The following TM9SF2 variants were observed in gnomAD, a reference collection of about 807,000 sequenced individuals.
TM9SF2 encodes the protein 76 kDa membrane protein.
TM9SF2 carries 13 observed loss-of-function variants against 84.9 expected under a neutral mutation model. The ratio of observed to expected loss-of-function variants is 0.15; its 90% confidence interval spans 0.10 to 0.24. TM9SF2 has a LOEUF of 0.24. TM9SF2 is among the 10% of genes least tolerant of loss of function. The pLI is 1.00. For missense variants in TM9SF2, 562 were observed against 818.5 expected (o/e 0.69, Z 3.82); for synonymous variants, 273 against 285.8 (o/e 0.96, Z 0.45).
intron 3 of TM9SF2, among the ~76,000 whole-genome samples, chr13:99,521,700 CTT>C (rs903825928): frequency 2.0e-5 from 3 of 151,522 alleles, no homozygotes; most frequent in African/African-American, 7.3e-5. Context: ...TTCAAATATT[CTT>C]TTTTTTTCTT....
chr13:99,501,714 C>T lies in TM9SF2; in HGVS notation c.108C>T (p.Phe36=). The change falls in exon 1 of 17, where the codon TTC becomes TTT. Residue 36 remains phenylalanine, a synonymous_variant. Coordinates refer to ENST00000376387, the MANE Select transcript of TM9SF2 (RefSeq NM_004800.3). ...AVPGPRRSGA[F]YLPGLAPVNF... is the part of the protein sequence containing the mutation. ...CTGGCCCGCGCCGGAGCGGCGCTTT[C>T]TACCTGCCCGGCCTGGCGCCCGTCA... 1 of 1,612,152 alleles carries T rather than the reference C, an allele frequency of 6.2e-7. No homozygotes were observed. Among genetic ancestry groups the T allele is most frequent in the Non-Finnish European group, 8.5e-7 (1 of 1,179,670 alleles).
At chr13:99,509,334 TC>T (rs751590526) in intron 1 of TM9SF2, among the ~76,000 whole-genome samples, 13 of 152,324 alleles carry the variant, frequency 8.5e-5, no homozygotes, top group South Asian at 2.1e-4. Context: ...TGGCGGGGAC[TC>T]TGAATGGGGC....
Position 99,528,385 on chromosome 13 carries a change from T to C in TM9SF2, c.334-1082T>C, listed in dbSNP as rs79106560. 5.2e-3 allele frequency among the ~76,000 whole-genome samples: 797 copies of C among 152,326 alleles called. 7 individuals carry two copies. The highest frequency in any genetic ancestry group is 7.5e-3 in the Non-Finnish European group (510 of 68,026). On this transcript the variant is annotated intron_variant, in intron 3 of 16. Transcript: ENST00000376387. ...TTGGAGGATTACATGAGGCTTGATATATACAAAGTACATGGAACATAGGAA... is the reference window on the plus strand; with the variant it reads ...TTGGAGGATTACATGAGGCTTGATACATACAAAGTACATGGAACATAGGAA...
chr13:99,557,304 T>C (rs974228277), intron 15 of TM9SF2, among the ~76,000 whole-genome samples: 7 of 152,358 alleles, frequency 4.6e-5, no homozygotes, highest in African/African-American at 1.7e-4. Context: ...TTTGTACTTG[T>C]GTTTGTTAGC....
chr13:99,504,585 G>C (rs1284573697), intron 1 of TM9SF2, among the ~76,000 whole-genome samples: 1 of 152,198 alleles, frequency 6.6e-6, no homozygotes, highest in Non-Finnish European at 1.5e-5. Context: ...TGTAAATTGA[G>C]AGAGAATCAG....
chr13:99,520,087 T>G lies in TM9SF2; in HGVS notation c.291T>G (p.Gly97=). ...SEGKRPSENL[G]QVLFGERIEP... ...GAAAGCGCCCATCTGAAAATCTTGG[T>G]CAGGTACTATTCGGGGAAAGAATTG... The change falls in exon 3 of 17, where the codon GGT becomes GGG. Residue 97 remains glycine (G), a synonymous_variant. Coordinates refer to ENST00000376387, the MANE Select transcript of TM9SF2 (RefSeq NM_004800.3). 6.2e-7 allele frequency: 1 copy of G among 1,614,050 alleles called. No individual in the cohort carries two copies.
At chr13:99,549,302 C>A in intron 12 of TM9SF2, 80 bp downstream of exon 12, 3 of 1,087,544 alleles carry the variant, frequency 2.8e-6, no homozygotes, top group Non-Finnish European at 4.2e-6. Flanking sequence ...AGTCTTTAAT[C>A]CTCCGTGTCT....
intron 6 of TM9SF2, among the ~76,000 whole-genome samples, chr13:99,538,419 C>G (rs1057230923): frequency 6.6e-6 from 1 of 151,614 alleles, no homozygotes; most frequent in Non-Finnish European, 1.5e-5. Flanking sequence ...TTGAATTAGC[C>G]TTTTTCTCAT....
intron 3 of TM9SF2, among the ~76,000 whole-genome samples, chr13:99,528,384 A>G (rs1377453269): frequency 1.3e-5 from 2 of 152,234 alleles, no homozygotes; most frequent in African/African-American, 2.4e-5. Flanking sequence ...GAGGCTTGAT[A>G]TATACAAAGT....
chr13:99,518,145 T>C, intron 2 of TM9SF2, among the ~76,000 whole-genome samples: 1 of 152,260 alleles, frequency 6.6e-6, no homozygotes, highest in East Asian at 1.9e-4. Flanking sequence ...AGAGTCTCAC[T>C]GTATTGCCCA....
rs748123687 is a variant in TM9SF2, at chr13:99,501,626, T to C, written c.20T>C (p.Val7Ala). The change falls in exon 1 of 17, where the codon GTG (valine) becomes GCG (alanine). Residue 7 changes from valine (V) to alanine (A), a missense_variant. Around this residue, in one of 4 missense-constraint regions of TM9SF2, gnomAD observed 267 missense variants for 316.7 expected, o/e 0.84. Transcript: ENST00000376387. ...ACTATCATGAGCGCGAGGCTGCCGG[T>C]GTTGTCTCCACCTCGGTGGCCGCGG... is the stretch of plus-strand genomic sequence containing the variant. MSARLP[V>A]LSPPRWPRLL... 2 of 1,612,192 alleles carry C rather than the reference T, an allele frequency of 1.2e-6. No homozygotes were observed. Among genetic ancestry groups the C allele is most frequent in the Non-Finnish European group, 1.7e-6 (2 of 1,179,250 alleles).
Position 99,501,601 on chromosome 13 carries a change from A to G in TM9SF2, c.-6A>G. 3 of 1,611,244 alleles carry G rather than the reference A, an allele frequency of 1.9e-6. No individual in the cohort carries two copies. Among genetic ancestry groups the G allele is most frequent in the South Asian group, 1.1e-5 (1 of 90,972 alleles). ...GTTTGATTGCCCTTTCCCCGAAACA[A>G]CTATCATGAGCGCGAGGCTGCCGGT... On this transcript the variant is annotated 5_prime_UTR_variant, in exon 1 of 17. Transcript: ENST00000376387.
intron 16 of TM9SF2, among the ~76,000 whole-genome samples, chr13:99,561,422 T>G (rs1319553480): frequency 6.6e-6 from 1 of 152,238 alleles, no homozygotes; most frequent in Non-Finnish European, 1.5e-5. Context: ...AAATATTGTT[T>G]GTCATCTTGA....
At chr13:99,515,987 C>T (rs1409755346) in intron 1 of TM9SF2, among the ~76,000 whole-genome samples, 1 of 152,188 alleles carries the variant, frequency 6.6e-6, no homozygotes, top group Non-Finnish European at 1.5e-5. Context: ...CCGCCTTGGC[C>T]TCCCAAAGTG....
intron 8 of TM9SF2, among the ~76,000 whole-genome samples, chr13:99,541,187 GTCTGA>G (rs1219551165): frequency 6.6e-6 from 1 of 152,128 alleles, no homozygotes; most frequent in African/African-American, 2.4e-5. Flanking sequence ...TCCTATTGCT[GTCTGA>G]TCTTTTTGAC....
chr13:99,525,783 C>T (rs1025189409), intron 3 of TM9SF2, among the ~76,000 whole-genome samples: 3 of 151,456 alleles, frequency 2.0e-5, no homozygotes, highest in African/African-American at 4.9e-5. Flanking sequence ...TCTCGATCTC[C>T]GGACCTCGTG....
At chr13:99,524,384 T>C (rs984466865) in intron 3 of TM9SF2, among the ~76,000 whole-genome samples, 1 of 151,412 alleles carries the variant, frequency 6.6e-6, no homozygotes, top group Non-Finnish European at 1.5e-5. Flanking sequence ...GGATGTGGAG[T>C]GTGGAGTTTC....
Position 99,547,071 on chromosome 13 carries a change from C to T in TM9SF2, c.1237C>T (p.Pro413Ser), listed in dbSNP as rs763594039. ...AVVLWVLLGT[P>S]AGYVAARFYK... Reference sequence around the variant, plus strand: ...GGTCCTGTGGGTGCTGCTGGGCACCCCTGCAGGCTATGTTGCTGCCAGATT... The same window carrying T: ...GGTCCTGTGGGTGCTGCTGGGCACCTCTGCAGGCTATGTTGCTGCCAGATT... Residue 413 changes from proline to serine, a missense_variant, in exon 11 of 17, where the codon CCT (proline) becomes TCT (serine). Physicochemically the swap from Pro to Ser is moderately conservative, Grantham distance 74. Coordinates refer to ENST00000376387, the MANE Select transcript of TM9SF2 (RefSeq NM_004800.3). 1.2e-6 allele frequency: 2 copies of T among 1,614,090 alleles called. No individual in the cohort carries two copies. The highest frequency in any genetic ancestry group is 1.7e-6 in the Non-Finnish European group (2 of 1,180,010).
In TM9SF2 at chr13:99,537,800, A is replaced by T; in HGVS notation, c.653A>T (p.Tyr218Phe). ...IFNHVDIKIY[Y>F]HVVETGSMGA... ...AACCATGTTGACATCAAAATATACT[A>T]TCATGTTGTTGAAACTGGGTCCATG... The change falls in exon 6 of 17, where the codon TAT becomes TTT. Residue 218 changes from tyrosine to phenylalanine, a missense_variant. By Grantham distance (22) the Tyr-to-Phe change is conservative (BLOSUM62 3). Coordinates refer to ENST00000376387, the MANE Select transcript of TM9SF2 (RefSeq NM_004800.3). The T allele has an allele frequency of 6.2e-7, 1 of 1,611,734 alleles. No homozygotes were observed. The highest frequency in any genetic ancestry group is 8.5e-7 in the Non-Finnish European group (1 of 1,179,580).
Sources: allele counts gnomAD v4.1 joint callset (sites outside exome capture counted in the v4.1 genomes callset), GRCh38; gene constraint gnomAD v4.1.1; regional missense constraint gnomAD v4.1.1; transcripts MANE v1.5; gene names NCBI Gene and HGNC (gene_info 2026-07-23, HGNC 2026-07-21).